IGSF9B: variants seen among roughly 807,000 people sequenced by gnomAD.
IGSF9B encodes the protein protein turtle homolog B.
In IGSF9B, 48 loss-of-function variants were observed where a neutral mutation model predicts 143.7. The ratio of observed to expected loss-of-function variants is 0.33; its 90% CI spans 0.26 to 0.42. The LOEUF is 0.42. Ranked by LOEUF, IGSF9B falls within the 20% of genes least tolerant of loss-of-function variation. IGSF9B has a pLI of 1.00. For missense variants in IGSF9B, 1,706 were observed against 1,980.0 expected (o/e 0.86, Z 2.63); for synonymous variants, 903 against 833.1 (o/e 1.08, Z -1.44).
rs1332365234 is a variant in IGSF9B, at chr11:133,944,220, C to T, written c.409G>A (p.Ala137Thr). Reference sequence around the variant, plus strand: ...ACCCACCCTGGAAGCCGTCACTCACCGTTGATGGTGAGGTGGACCCAGCTG... The same window carrying T: ...ACCCACCCTGGAAGCCGTCACTCACTGTTGATGGTGAGGTGGACCCAGCTG... ...NGSWVHLTIN[A>T]PPTFTETPPQ... Residue 137 changes from alanine to threonine, a missense_variant and splice_region_variant, in exon 3 of 20, where the codon GCC becomes ACC. Transcript: ENST00000533871. The T allele has an allele frequency of 2.5e-6, 4 of 1,599,408 alleles. No individual in the cohort carries two copies. The highest frequency in any genetic ancestry group is 2.7e-5 in the African/African-American group (2 of 74,664).
At position 133,932,086 on chromosome 11, in the gene IGSF9B, G is replaced by A. The variant is rs1760130205; in HGVS notation, c.1095C>T (p.Pro365=). 1.2e-6 allele frequency: 2 copies of A among 1,613,216 alleles called. No homozygotes were observed. Among genetic ancestry groups the A allele is most frequent in the Admixed American group, 1.7e-5 (1 of 59,966 alleles). The change falls in exon 8 of 20, where the codon CCC becomes CCT. Residue 365 remains proline (P), a synonymous_variant. Transcript: ENST00000533871. ...TCTCTAGCACCTTCTCAACCTGCAGGGGACGGCCGTCCTTGTTCCACTTGA... is the reference window on the plus strand; with the variant it reads ...TCTCTAGCACCTTCTCAACCTGCAGAGGACGGCCGTCCTTGTTCCACTTGA... ...TVVKWNKDGR[P]LQVEKNLGWT...
In IGSF9B at chr11:133,899,869, A is replaced by C. The variant is rs1939090166; in HGVS notation, c.*9200T>G. On this transcript the variant is annotated 3_prime_UTR_variant, in exon 20 of 20. Transcript: ENST00000533871. ...CCCCCTGAAAAATCTTACAAGAAACACTCAGCTGCAGGAGCCTGCAAGAAA... is the reference window on the plus strand; with the variant it reads ...CCCCCTGAAAAATCTTACAAGAAACCCTCAGCTGCAGGAGCCTGCAAGAAA... 6.6e-6 allele frequency: 1 copy of C among 151,904 alleles called. No individual in the cohort carries two copies. Among genetic ancestry groups the C allele is most frequent in the South Asian group, 2.1e-4 (1 of 4,814 alleles). The allele number at this position is 151,904 out of a possible 1,614,324, so 9.4% of individuals were successfully genotyped here. A position where few individuals can be genotyped will look rare whatever the true frequency, so the allele number is the denominator to read the frequency against.
At chr11:133,934,879 C>T (rs1939793833) in intron 7 of IGSF9B, among the ~76,000 whole-genome samples, 1 of 152,234 alleles carries the variant, frequency 6.6e-6, no homozygotes, top group Non-Finnish European at 1.5e-5. Flanking sequence ...TTATCTACAG[C>T]AACAATGCCA....
intron 15 of IGSF9B, among the ~76,000 whole-genome samples, chr11:133,923,200 T>C (rs2121296609): frequency 6.6e-6 from 1 of 152,296 alleles, no homozygotes; most frequent in African/African-American, 2.4e-5. Context: ...AGCTGCCTGC[T>C]CCCAGTCTGG....
rs1047021142 is a variant in IGSF9B, at chr11:133,901,464, G to C, written c.*7605C>G. On this transcript the variant is annotated 3_prime_UTR_variant, in exon 20 of 20. Coordinates refer to ENST00000533871, the MANE Select transcript of IGSF9B (RefSeq NM_001277285.4). ...TTTATATATGTGTGCAGAGGGCACG[G>C]GCCCCTGCCCATCTTGCCCGGCACT... 6.6e-6 allele frequency: 1 copy of C among 152,074 alleles called. No individual in the cohort carries two copies. Among genetic ancestry groups the C allele is most frequent in the Non-Finnish European group, 1.5e-5 (1 of 68,016 alleles). 9.4% of individuals were successfully genotyped at this position (152,074 alleles called of 1,614,324 possible). A position where few individuals can be genotyped will look rare whatever the true frequency, so the allele number is the denominator to read the frequency against.
Position 133,900,019 on chromosome 11 carries a change from T to A in IGSF9B, c.*9050A>T, listed in dbSNP as rs111957378. On this transcript the variant is annotated 3_prime_UTR_variant, in exon 20 of 20. Coordinates refer to ENST00000533871, the MANE Select transcript of IGSF9B (RefSeq NM_001277285.4). ...GTGGGGAGTGTTCTCAGCAGTTAAT[T>A]TGAGGACCCAAGGACAGTGCCTGAC... 1 of 152,238 alleles carries A rather than the reference T, an allele frequency of 6.6e-6. No homozygotes were observed. Among genetic ancestry groups the A allele is most frequent in the South Asian group, 2.1e-4 (1 of 4,806 alleles). 9.4% of individuals were successfully genotyped at this position (152,238 alleles called of 1,614,324 possible).
At position 133,921,315 on chromosome 11, in the gene IGSF9B, C is replaced by T. The variant is rs769018429; in HGVS notation, c.2410G>A (p.Ala804Thr). 20 of 1,602,512 alleles carry T rather than the reference C, an allele frequency of 1.2e-5. No homozygotes were observed. Among genetic ancestry groups the T allele is most frequent in the Non-Finnish European group, 1.5e-5 (18 of 1,173,598 alleles). ...SESSDDQGQP[A>T]AKRMLSPTRE... Reference sequence around the variant, plus strand: ...GTGGGGCTCAGCATCCTCTTGGCCGCGGGCTGGCCCTGGTCGTCGGAGGAT... The same window carrying T: ...GTGGGGCTCAGCATCCTCTTGGCCGTGGGCTGGCCCTGGTCGTCGGAGGAT... Residue 804 changes from alanine (A) to threonine (T), a missense_variant, in exon 18 of 20, where the codon GCG becomes ACG. Ala to Thr is a moderately conservative substitution (Grantham distance 58, BLOSUM62 0). Coordinates refer to ENST00000533871, the MANE Select transcript of IGSF9B (RefSeq NM_001277285.4).
Position 133,921,266 on chromosome 11 carries a change from T to C in IGSF9B, c.2459A>G (p.Tyr820Cys). The change falls in exon 18 of 20, where the codon TAC (tyrosine) becomes TGC (cysteine). Residue 820 changes from tyrosine (Y) to cysteine (C), a missense_variant. By Grantham distance (194) the Tyr-to-Cys change is radical. Transcript: ENST00000533871. Reference protein sequence around the residue: ...SPTREKELSLYKKTKRAISSK... With the variant: ...SPTREKELSLCKKTKRAISSK... ...GCTGATGGCCCGCTTGGTCTTCTTG[T>C]ACAGCGACAGCTCCTTCTCACGGGT... 3 of 1,611,222 alleles carry C rather than the reference T, an allele frequency of 1.9e-6. No individual in the cohort carries two copies. Among genetic ancestry groups the C allele is most frequent in the Non-Finnish European group, 2.5e-6 (3 of 1,179,080 alleles).
Position 133,935,746 on chromosome 11 carries a change from C to A in IGSF9B, c.838G>T (p.Val280Leu). Residue 280 changes from valine (V) to leucine (L), a missense_variant, in exon 7 of 20, where the codon GTG becomes TTG. Physicochemically the swap from Val to Leu is conservative, Grantham distance 32. This residue lies in a region of IGSF9B where 238 missense variants were observed against 452.6 expected (regional missense o/e 0.53). Transcript: ENST00000533871. The part of the protein sequence containing the change: ...VYFQNDLKLR[V>L]RILIDGTLII... ...AGGGTCCCATCGATTAGGATGCGCA[C>A]CCTCAGCTTCAGGTCGCTGCAAAGC... The A allele has an allele frequency of 6.2e-7, 1 of 1,612,048 alleles. No individual in the cohort carries two copies. The highest frequency in any genetic ancestry group is 1.1e-5 in the South Asian group (1 of 90,604).
chr11:133,914,855 G>A (rs76291967), intron 18 of IGSF9B, among the ~76,000 whole-genome samples: 5,795 of 152,252 alleles, frequency 0.038, 143 homozygotes, highest in Non-Finnish European at 0.057. Context: ...CTGTGCAATC[G>A]AATTGCCTCC....
chr11:133,956,638 A>G, intron 1 of IGSF9B, 53 bp downstream of exon 1: 1 of 1,256,530 alleles, frequency 8.0e-7, no homozygotes, highest in South Asian at 1.3e-5. Context: ...GCCGGGCGCG[A>G]GGGGCCGAGG....
In IGSF9B at chr11:133,897,576, G is replaced by C. The variant is rs573667833; in HGVS notation, c.*11493C>G. On this transcript the variant is annotated 3_prime_UTR_variant, in exon 20 of 20. Transcript: ENST00000533871. ...GGCATTCCCAGGCTTTTGAGAAGAG[G>C]GTGATAGAGCAGGGAGCTCCTCACA... 54 of 152,266 alleles carry C rather than the reference G, an allele frequency of 3.5e-4. No homozygotes were observed. The highest frequency in any genetic ancestry group is 1.3e-3 in the African/African-American group (52 of 41,528). 9.4% of individuals were successfully genotyped at this position (152,266 alleles called of 1,614,324 possible).
Position 133,902,488 on chromosome 11 carries a change from A to G in IGSF9B, c.*6581T>C, listed in dbSNP as rs950206366. 2.7e-5 allele frequency among the ~76,000 whole-genome samples: 4 copies of G among 148,332 alleles called. No individual in the cohort carries two copies. Among genetic ancestry groups the G allele is most frequent in the African/African-American group, 1.0e-4 (4 of 40,008 alleles). ...GATACACACACCACACACAACACACACACACACCAGACATGCACACCACAC... is the reference window on the plus strand; with the variant it reads ...GATACACACACCACACACAACACACGCACACACCAGACATGCACACCACAC... On this transcript the variant is annotated 3_prime_UTR_variant, in exon 20 of 20. Coordinates refer to ENST00000533871, the MANE Select transcript of IGSF9B (RefSeq NM_001277285.4).
At chr11:133,944,732 A>G (rs1022528056) in intron 2 of IGSF9B, among the ~76,000 whole-genome samples, 1 of 152,216 alleles carries the variant, frequency 6.6e-6, no homozygotes, top group Non-Finnish European at 1.5e-5. Flanking sequence ...AGAGAGAATG[A>G]AAAAGTGCCA....
At position 133,946,051 on chromosome 11, in the gene IGSF9B, C is replaced by A; in HGVS notation, c.262+10G>T. ...GGGAAGGTGCGGGAGACCGGGTGCC[C>A]AGACCTTACCTGCATACTCAGGGTC... is the stretch of plus-strand genomic sequence containing the variant. On this transcript the variant is annotated intron_variant, in intron 2 of 19. Transcript: ENST00000533871. 3 of 1,540,900 alleles carry A rather than the reference C, an allele frequency of 1.9e-6. No homozygotes were observed. The highest frequency in any genetic ancestry group is 2.4e-5 in the East Asian group (1 of 41,976).
intron 1 of IGSF9B, among the ~76,000 whole-genome samples, chr11:133,947,547 C>CTG (rs1386236492): frequency 1.3e-5 from 2 of 152,226 alleles, no homozygotes; most frequent in Non-Finnish European, 2.9e-5. Flanking sequence ...AGGAGGGCAG[C>CTG]ACCAGCCCCT....
rs1274335660 is a variant in IGSF9B, at chr11:133,899,957, A to G, written c.*9112T>C. 2.0e-5 allele frequency: 3 copies of G among 152,118 alleles called. No homozygotes were observed. The highest frequency in any genetic ancestry group is 4.4e-5 in the Non-Finnish European group (3 of 68,030). 9.4% of individuals were successfully genotyped at this position (152,118 alleles called of 1,614,324 possible). ...ACCAGCACTGGATCCTTCCAGCTGC[A>G]TGGACAGAGCCCATTTCCCATCAGC... On this transcript the variant is annotated 3_prime_UTR_variant, in exon 20 of 20. Transcript: ENST00000533871.
chr11:133,945,939 C>G lies in IGSF9B; in HGVS notation c.262+122G>C. On this transcript the variant is annotated intron_variant, in intron 2 of 19. Coordinates refer to ENST00000533871, the MANE Select transcript of IGSF9B (RefSeq NM_001277285.4). The surrounding 1 kb of genome is among the most constrained non-coding windows in gnomAD (Gnocchi z 4.6). ...AACAGAGGACAAAGGATGGGAGGAACCAGGCAGAGACTGGGAAACAGAGAT... is the reference window on the plus strand; with the variant it reads ...AACAGAGGACAAAGGATGGGAGGAAGCAGGCAGAGACTGGGAAACAGAGAT... 1.4e-6 allele frequency: 1 copy of G among 697,306 alleles called. No individual in the cohort carries two copies. The highest frequency in any genetic ancestry group is 2.4e-6 in the Non-Finnish European group (1 of 415,926). The allele number at this position is 697,306 out of a possible 1,614,324, so 43.2% of individuals were successfully genotyped here.
Position 133,920,191 on chromosome 11 carries a change from C to G in IGSF9B, c.3534G>C (p.Arg1178=). 1 of 1,510,468 alleles carries G rather than the reference C, an allele frequency of 6.6e-7. No homozygotes were observed. The highest frequency in any genetic ancestry group is 8.9e-7 in the Non-Finnish European group (1 of 1,129,830). 93.6% of individuals were successfully genotyped at this position (1,510,468 alleles called of 1,614,324 possible). ...CGCGCCTGGCCTGCCGAGGGCTAGG[C>G]CGGGGCCGGGGCTGGGGCTCATACC... ...TRWYEPQPRP[R]PSPRQARRAE... The change falls in exon 18 of 20, where the codon CGG becomes CGC. Residue 1178 remains arginine, a synonymous_variant. Coordinates refer to ENST00000533871, the MANE Select transcript of IGSF9B (RefSeq NM_001277285.4).
Sources: allele counts gnomAD v4.1 joint callset (sites outside exome capture counted in the v4.1 genomes callset), GRCh38; gene constraint gnomAD v4.1.1; regional missense constraint gnomAD v4.1.1; non-coding constraint Gnocchi (gnomAD v3.1); transcripts MANE v1.5; gene names NCBI Gene and HGNC (gene_info 2026-07-23, HGNC 2026-07-21).